The following CDH13 variants were observed in gnomAD, a reference collection of about 807,000 sequenced individuals.
The protein encoded by CDH13 is cadherin 13, also known as cadherin-13.
In CDH13, 24 loss-of-function variants were observed where a neutral mutation model predicts 63.8. The observed-to-expected ratio is 0.38, with a 90% confidence interval of 0.27 to 0.53. The LOEUF (loss-of-function observed/expected upper bound fraction) is 0.53, where lower values mean the gene tolerates loss of function less well. Ranked by LOEUF, CDH13 falls within the 20% of genes least tolerant of loss-of-function variation. The pLI is 0.85. For synonymous variants in CDH13, 503 were observed against 355.3 expected (o/e 1.42, Z -4.67); for missense variants, 1,049 against 903.1 (o/e 1.16, Z -2.07).
intron 6 of CDH13, among the ~76,000 whole-genome samples, chr16:83,478,090 G>A (rs1006680446): frequency 2.6e-5 from 4 of 151,456 alleles, no homozygotes; most frequent in Non-Finnish European, 5.9e-5. Flanking sequence ...AACCCAAGAG[G>A]CGGAGCTTGC....
intron 5 of CDH13, among the ~76,000 whole-genome samples, chr16:83,281,967 T>C (rs920110875): frequency 6.6e-6 from 1 of 152,094 alleles, no homozygotes; most frequent in African/African-American, 2.4e-5. Flanking sequence ...TAGCTTTTGA[T>C]TTAAAGTGAG....
chr16:83,209,577 T>G (rs1395520792), intron 4 of CDH13, among the ~76,000 whole-genome samples: 1 of 152,226 alleles, frequency 6.6e-6, no homozygotes, highest in Non-Finnish European at 1.5e-5. Flanking sequence ...TGTGAGTTTA[T>G]GAAGCATTTT....
At chr16:83,081,593 G>C (rs1234912907) in intron 3 of CDH13, among the ~76,000 whole-genome samples, 1 of 152,128 alleles carries the variant, frequency 6.6e-6, no homozygotes, top group African/African-American at 2.4e-5. Flanking sequence ...GAGACCAGAA[G>C]TTACAGATCA....
At chr16:83,099,379 A>G (rs1032796756) in intron 3 of CDH13, among the ~76,000 whole-genome samples, 2 of 151,966 alleles carry the variant, frequency 1.3e-5, no homozygotes, top group African/African-American at 4.8e-5. Context: ...GCTGGAGTGC[A>G]ACGGTGCAAT....
At chr16:82,866,988 A>G (rs1243481317) in intron 2 of CDH13, among the ~76,000 whole-genome samples, 2 of 152,198 alleles carry the variant, frequency 1.3e-5, no homozygotes, top group Admixed American at 6.5e-5. Context: ...TATTAGGAAC[A>G]TATGTTGGCA....
intron 3 of CDH13, among the ~76,000 whole-genome samples, chr16:83,051,793 G>A (rs2030365622): frequency 6.6e-6 from 1 of 152,174 alleles, no homozygotes; most frequent in African/African-American, 2.4e-5. Flanking sequence ...GTTGTCTTAT[G>A]AAGGATGAAG....
intron 2 of CDH13, among the ~76,000 whole-genome samples, chr16:82,913,871 C>T (rs1199104236): frequency 2.0e-5 from 3 of 152,102 alleles, no homozygotes; most frequent in African/African-American, 4.8e-5. Flanking sequence ...CTCGGAGCAC[C>T]TGGAGTTTAA....
chr16:83,372,749 T>TAA (rs35480546), intron 6 of CDH13, among the ~76,000 whole-genome samples: 58 of 95,532 alleles, frequency 6.1e-4, no homozygotes, highest in African/African-American at 2.1e-3. Flanking sequence ...AGACTCGGTC[T>TAA]AAAAAAAAAA....
At chr16:83,137,974 G>A (rs541388371) in intron 4 of CDH13, among the ~76,000 whole-genome samples, 74 of 152,132 alleles carry the variant, frequency 4.9e-4, no homozygotes, top group African/African-American at 1.7e-3. Context: ...GGGGAAAGAC[G>A]TGATGTGAGT....
chr16:83,363,795 G>A (rs2091207815), intron 6 of CDH13, among the ~76,000 whole-genome samples: 2 of 152,118 alleles, frequency 1.3e-5, no homozygotes, highest in Non-Finnish European at 2.9e-5. Context: ...GATGCTGAGT[G>A]GGCGTGCTCC....
intron 2 of CDH13, among the ~76,000 whole-genome samples, chr16:82,867,928 G>A (rs2040207475): frequency 6.6e-6 from 1 of 152,036 alleles, no homozygotes; most frequent in Non-Finnish European, 1.5e-5. Flanking sequence ...GAACTTCCTA[G>A]ATTCTTTTAC....
intron 2 of CDH13, among the ~76,000 whole-genome samples, chr16:83,007,579 C>T (rs1159878254): frequency 1.3e-5 from 2 of 152,074 alleles, no homozygotes; most frequent in South Asian, 2.1e-4. Flanking sequence ...CCTGTAACCC[C>T]AGCACTTTGG....
chr16:83,344,018 G>T (rs1030975913), intron 5 of CDH13, among the ~76,000 whole-genome samples: 5 of 152,158 alleles, frequency 3.3e-5, no homozygotes, highest in African/African-American at 1.2e-4. Flanking sequence ...CACACAGATA[G>T]GAAAGAGTTG....
intron 2 of CDH13, among the ~76,000 whole-genome samples, chr16:82,974,546 A>G (rs1268500434): frequency 6.6e-6 from 1 of 152,194 alleles, no homozygotes; most frequent in Non-Finnish European, 1.5e-5. Context: ...GAAACTGCAA[A>G]TATGTGACCT....
At chr16:82,630,416 A>G (rs901335259) in intron 1 of CDH13, among the ~76,000 whole-genome samples, 1 of 152,178 alleles carries the variant, frequency 6.6e-6, no homozygotes, top group Non-Finnish European at 1.5e-5. Context: ...TCCACAGTCT[A>G]TACTAAAAGC....
At chr16:83,204,291 T>A (rs1432859397) in intron 4 of CDH13, among the ~76,000 whole-genome samples, 1 of 152,194 alleles carries the variant, frequency 6.6e-6, no homozygotes, top group African/African-American at 2.4e-5. Flanking sequence ...TCTAGCAGAC[T>A]TTGGCAAGGT....
chr16:82,936,363 A>C lies in CDH13; in HGVS notation c.157+77890A>C, dbSNP rs186033128. On this transcript the variant is annotated intron_variant, in intron 2 of 13. Transcript: ENST00000567109. ...CTGTATCATCAGGAACGTGAACCCTATTGTGAATTGTACATGCCAGGGATC... is the reference window on the plus strand; with the variant it reads ...CTGTATCATCAGGAACGTGAACCCTCTTGTGAATTGTACATGCCAGGGATC... Among the ~76,000 whole-genome samples, 1,375 of 152,196 alleles carry C rather than the reference A, an allele frequency of 9.0e-3. 8 individuals carry two copies. The highest frequency in any genetic ancestry group is 0.015 in the Non-Finnish European group (1,034 of 68,002).
At chr16:82,945,231 C>G (rs1296084179) in intron 2 of CDH13, among the ~76,000 whole-genome samples, 1 of 152,170 alleles carries the variant, frequency 6.6e-6, no homozygotes, top group Non-Finnish European at 1.5e-5. Context: ...GGCAGTCACT[C>G]AACTGTGCCC....
intron 3 of CDH13, among the ~76,000 whole-genome samples, chr16:83,032,721 G>T (rs987984115): frequency 6.6e-6 from 1 of 152,100 alleles, no homozygotes; most frequent in East Asian, 1.9e-4. Context: ...GTGTCCATTG[G>T]GTTGTGATGT....
Sources: allele counts gnomAD v4.1 joint callset (sites outside exome capture counted in the v4.1 genomes callset), GRCh38; gene constraint gnomAD v4.1.1; transcripts MANE v1.5; gene names NCBI Gene and HGNC (gene_info 2026-07-23, HGNC 2026-07-21).